Variants in ADK observed in about 807,000 individuals in gnomAD.
ADK encodes the protein adenosine kinase, also known as N6,N6-dimethyladenosine kinase.
In ADK, 24 loss-of-function variants were observed where a neutral mutation model predicts 44.7. The observed-to-expected ratio is 0.54, with a 90% CI of 0.39 to 0.76. The LOEUF is 0.76. Among genes scored for constraint, ADK ranks in the 30% least tolerant of loss-of-function variants. ADK has a pLI of 0.00. For synonymous variants in ADK, 128 were observed against 142.6 expected (o/e 0.90, Z 0.73); for missense variants, 321 against 425.1 (o/e 0.76, Z 2.15).
chr10:74,593,407 G>C (rs982629752), intron 8 of ADK, among the ~76,000 whole-genome samples: 1 of 152,048 alleles, frequency 6.6e-6, no homozygotes. Context: ...AAGAGCATGT[G>C]GGAAGGGTTC....
chr10:74,380,346 C>G (rs1211639701), intron 4 of ADK, among the ~76,000 whole-genome samples: 7 of 152,072 alleles, frequency 4.6e-5, no homozygotes, highest in African/African-American at 1.7e-4. Context: ...AAGTAGCAGT[C>G]CTGGACATTG....
At chr10:74,469,661 G>C (rs1480028905) in intron 6 of ADK, among the ~76,000 whole-genome samples, 1 of 152,174 alleles carries the variant, frequency 6.6e-6, no homozygotes, top group East Asian at 1.9e-4. Flanking sequence ...ACCGTGCCCA[G>C]TCTATCTTAA....
chr10:74,185,940 T>A (rs1254053662), intron 1 of ADK, among the ~76,000 whole-genome samples: 3 of 150,138 alleles, frequency 2.0e-5, no homozygotes. Context: ...CTACCTCTCC[T>A]GGGGTCAAGG....
chr10:74,660,365 G>A (rs1854663375), intron 9 of ADK, among the ~76,000 whole-genome samples: 1 of 152,068 alleles, frequency 6.6e-6, no homozygotes, highest in South Asian at 2.1e-4. Context: ...CTTATTAGCT[G>A]AAACAATCTG....
chr10:74,329,510 A>G (rs1841144477), intron 4 of ADK, among the ~76,000 whole-genome samples: 1 of 152,194 alleles, frequency 6.6e-6, no homozygotes, highest in South Asian at 2.1e-4. Context: ...TTGCCCACCT[A>G]TCTATTAACC....
intron 9 of ADK, among the ~76,000 whole-genome samples, chr10:74,644,432 C>T (rs1014026219): frequency 2.6e-5 from 4 of 152,190 alleles, no homozygotes; most frequent in African/African-American, 9.7e-5. Context: ...AACTAATGCT[C>T]AGAATGAAAG....
chr10:74,562,377 A>G (rs1336393976), intron 7 of ADK, among the ~76,000 whole-genome samples: 1 of 152,192 alleles, frequency 6.6e-6, no homozygotes, highest in Non-Finnish European at 1.5e-5. Flanking sequence ...GAGTCTTGCT[A>G]CAGAACTAGG....
chr10:74,602,497 G>C (rs976154177), intron 9 of ADK, among the ~76,000 whole-genome samples: 2 of 152,024 alleles, frequency 1.3e-5, no homozygotes, highest in Non-Finnish European at 2.9e-5. Flanking sequence ...TTGTGAATTT[G>C]CAGTTTTCCC....
intron 7 of ADK, among the ~76,000 whole-genome samples, chr10:74,576,209 A>T (rs1359129332): frequency 6.6e-6 from 1 of 152,196 alleles, no homozygotes; most frequent in Non-Finnish European, 1.5e-5. Context: ...GATATGCAAC[A>T]GAAAAGAAGG....
At chr10:74,297,090 C>G (rs546858239) in intron 3 of ADK, among the ~76,000 whole-genome samples, 36 of 152,262 alleles carry the variant, frequency 2.4e-4, no homozygotes, top group African/African-American at 8.7e-4. Flanking sequence ...CTGGTTGTTA[C>G]AGAACAAGCT....
intron 9 of ADK, among the ~76,000 whole-genome samples, chr10:74,651,946 A>G (rs1032875948): frequency 1.3e-5 from 2 of 152,208 alleles, no homozygotes; most frequent in Non-Finnish European, 2.9e-5. Flanking sequence ...TAGAACAGGC[A>G]CTATTAATTT....
At chr10:74,665,247 AAC>A (rs1208152179) in intron 9 of ADK, among the ~76,000 whole-genome samples, 1 of 152,230 alleles carries the variant, frequency 6.6e-6, no homozygotes. Flanking sequence ...TTTTAAAAGA[AAC>A]AAACAAAAAC....
At chr10:74,507,666 T>C (rs965960860) in intron 6 of ADK, among the ~76,000 whole-genome samples, 1 of 152,150 alleles carries the variant, frequency 6.6e-6, no homozygotes, top group African/African-American at 2.4e-5. Flanking sequence ...TGGGATTTTG[T>C]GTAGCATCTT....
intron 7 of ADK, among the ~76,000 whole-genome samples, chr10:74,582,811 T>C (rs1035167017): frequency 6.6e-6 from 1 of 152,208 alleles, no homozygotes; most frequent in African/African-American, 2.4e-5. Context: ...TTCAGCATTC[T>C]GTAGACGGGA....
chr10:74,290,106 A>C (rs1847353340), intron 3 of ADK, among the ~76,000 whole-genome samples: 1 of 151,908 alleles, frequency 6.6e-6, no homozygotes, highest in African/African-American at 2.4e-5. Context: ...ACACACTCAC[A>C]CACACTCACA....
rs200623560 is a variant in ADK at position 74,161,532 on chromosome 10, A to AT, written c.65+10199dup. On this transcript the variant is annotated intron_variant, in intron 1 of 10. Coordinates refer to ENST00000539909, the MANE Select transcript of ADK (RefSeq NM_006721.4). ...CCTATTTATTTTAAAATTTTAATTA[A>AT]TTTTTTTTTTGTTTTTAGAGACAGG... 8.4e-4 allele frequency among the ~76,000 whole-genome samples: 125 copies of AT among 148,328 alleles called. 2 individuals are homozygous for AT. The East Asian group carries it at 0.015, about 18-fold the overall frequency.
At chr10:74,602,688 A>C (rs746589636) in intron 9 of ADK, among the ~76,000 whole-genome samples, 1 of 152,230 alleles carries the variant, frequency 6.6e-6, no homozygotes, top group African/African-American at 2.4e-5. Context: ...CAAAGGATGC[A>C]CTATATCTGC....
In ADK at chr10:74,653,872, A is replaced by T. The variant is rs16931563; in HGVS notation, c.878-16311A>T. Among the ~76,000 whole-genome samples the T allele has an allele frequency of 4.5e-3, 678 of 152,312 alleles. 6 individuals carry two copies. Among genetic ancestry groups the T allele is most frequent in the African/African-American group, 0.015 (636 of 41,554 alleles). On this transcript the variant is annotated intron_variant, in intron 9 of 10. Transcript: ENST00000539909. The stretch of plus-strand genomic sequence containing the variant: ...TTGACTTCATACTTAGGGAACTTTA[A>T]TTTTATTGTACAGTATGCACTGTTA...
At chr10:74,467,189 C>T (rs959049312) in intron 6 of ADK, among the ~76,000 whole-genome samples, 14 of 152,034 alleles carry the variant, frequency 9.2e-5, no homozygotes, top group Admixed American at 7.9e-4. Context: ...AAGAAAAGAT[C>T]GTGCATGTAA....
Sources: gnomAD v4.1 joint callset for allele counts (sites outside exome capture counted in the v4.1 genomes callset) on GRCh38, gnomAD v4.1.1 for gene constraint, MANE v1.5 for transcripts, NCBI Gene and HGNC (gene_info 2026-07-23, HGNC 2026-07-21) for gene names.